PIWIL2: variants seen among roughly 807,000 people sequenced by gnomAD.
PIWIL2 encodes piwi like RNA-mediated gene silencing 2.
PIWIL2 carries 81 observed loss-of-function variants against 116.5 expected under a neutral mutation model. The observed-to-expected ratio is 0.70, with a 90% CI of 0.58 to 0.84. PIWIL2 has a LOEUF of 0.84. PIWIL2 is among the 40% of genes least tolerant of loss of function. The pLI is 0.00. For synonymous variants in PIWIL2, 489 were observed against 429.5 expected (o/e 1.14, Z -1.71); for missense variants, 1,272 against 1,212.3 (o/e 1.05, Z -0.73).
At position 22,315,016 on chromosome 8, in the gene PIWIL2, C is replaced by A; in HGVS notation, c.2092-13C>A. On this transcript the variant is annotated splice_polypyrimidine_tract_variant and intron_variant, in intron 17 of 22. Transcript: ENST00000356766. ...CCTGCTTCTCCTGACACCTTTTGGT[C>A]CCTTCATTATAGGTTGTCAATGTTC... The A allele has an allele frequency of 6.6e-7, 1 of 1,518,042 alleles. No individual in the cohort carries two copies. The highest frequency in any genetic ancestry group is 9.1e-7 in the Non-Finnish European group (1 of 1,093,148). 94.0% of individuals were successfully genotyped at this position (1,518,042 alleles called of 1,614,324 possible).
At chr8:22,327,480 G>C (rs556655476) in intron 20 of PIWIL2, among the ~76,000 whole-genome samples, 1 of 150,252 alleles carries the variant, frequency 6.7e-6, no homozygotes, top group South Asian at 2.1e-4. Flanking sequence ...CGATTCTCCT[G>C]CGTCAGCCTC....
intron 1 of PIWIL2, among the ~76,000 whole-genome samples, chr8:22,276,408 C>T (rs542315969): frequency 6.6e-6 from 1 of 152,274 alleles, no homozygotes; most frequent in African/African-American, 2.4e-5. Context: ...CTCCGCCTCC[C>T]AGGTTCAAGC....
intron 20 of PIWIL2, among the ~76,000 whole-genome samples, chr8:22,330,696 CAAAA>C (rs1831837782): frequency 1.3e-5 from 1 of 75,888 alleles, no homozygotes; most frequent in South Asian, 4.5e-4. Context: ...GACTCTGTCT[CAAAA>C]TAAATAAATA....
At position 22,310,074 on chromosome 8, in the gene PIWIL2, T is replaced by A; in HGVS notation, c.1800T>A (p.Thr600=). 6.6e-7 allele frequency: 1 copy of A among 1,509,386 alleles called. No homozygotes were observed. The highest frequency in any genetic ancestry group is 1.1e-5 in the South Asian group (1 of 88,782). 93.5% of individuals were successfully genotyped at this position (1,509,386 alleles called of 1,614,324 possible). The change falls in exon 15 of 23, where the codon ACT becomes ACA. Residue 600 remains threonine (T), a splice_region_variant and synonymous_variant. Transcript: ENST00000356766. ...KEVTRDPSIL[T]IPMHFWALFY... ...TAACCAGAGACCCTTCCATCTTGAC[T>A]GTAAGTGATTTTTGAAGTGATAAAG... is the stretch of plus-strand genomic sequence containing the variant.
chr8:22,324,646 T>C (rs183943007), intron 20 of PIWIL2, among the ~76,000 whole-genome samples: 3 of 152,350 alleles, frequency 2.0e-5, no homozygotes, highest in East Asian at 1.9e-4. Context: ...GAGCTTGTTA[T>C]GAGTTTGTGC....
intron 8 of PIWIL2, among the ~76,000 whole-genome samples, chr8:22,289,130 A>G (rs1458837300): frequency 2.0e-5 from 3 of 151,262 alleles, no homozygotes; most frequent in Non-Finnish European, 4.4e-5. Flanking sequence ...AACACAACCT[A>G]ATTTCTTTTC....
At chr8:22,293,279 A>AG (rs1319749021) in intron 10 of PIWIL2, among the ~76,000 whole-genome samples, 1 of 152,158 alleles carries the variant, frequency 6.6e-6, no homozygotes, top group Non-Finnish European at 1.5e-5. Flanking sequence ...ACTGTACTCC[A>AG]GCCTAGGCAA....
intron 8 of PIWIL2, 21 bp downstream of exon 8, chr8:22,288,687 C>T: frequency 1.9e-6 from 3 of 1,594,560 alleles, no homozygotes; most frequent in Non-Finnish European, 2.6e-6. Flanking sequence ...AGCTGAAGTT[C>T]TATTGTCCTG....
rs1392677142 is a variant in PIWIL2 at position 22,354,238 on chromosome 8, A to G, written c.2658-33A>G. 2.8e-6 allele frequency: 4 copies of G among 1,404,800 alleles called. 1 individual carries two copies. In the South Asian group the frequency reaches 3.5e-5, roughly 12 times the overall value. 87.0% of individuals were successfully genotyped at this position (1,404,800 alleles called of 1,614,324 possible). The stretch of plus-strand genomic sequence containing the variant: ...TGCCAGCTCTGTCTGGCTGAATCCG[A>G]CCATTTCACTGATTTATGGTTTTCC... On this transcript the variant is annotated intron_variant, in intron 21 of 22. Transcript: ENST00000356766.
intron 14 of PIWIL2, 151 bp from the exon 15 acceptor site, chr8:22,309,810 G>T: frequency 1.9e-6 from 1 of 536,714 alleles, no homozygotes; most frequent in Non-Finnish European, 3.4e-6. Context: ...GACTTTCACT[G>T]CTAGAAGCTT....
intron 21 of PIWIL2, 66 bp downstream of exon 21, chr8:22,353,278 A>G (rs1228643853): frequency 1.4e-6 from 2 of 1,411,652 alleles, no homozygotes; most frequent in African/African-American, 1.4e-5. Flanking sequence ...TTTCCTGAGT[A>G]TTGGAATGGG....
At chr8:22,283,655 C>T (rs544121531) in intron 5 of PIWIL2, among the ~76,000 whole-genome samples, 12 of 152,270 alleles carry the variant, frequency 7.9e-5, no homozygotes, top group South Asian at 4.1e-4. Context: ...GTGATCCACC[C>T]GCCTCGGCCT....
chr8:22,294,837 G>A (rs1830854764), intron 10 of PIWIL2, among the ~76,000 whole-genome samples: 1 of 137,770 alleles, frequency 7.3e-6, no homozygotes, highest in East Asian at 2.4e-4. Flanking sequence ...GAGGCAGGCG[G>A]ATCACTTGAG....
chr8:22,352,745 C>G, intron 20 of PIWIL2: 1 of 482,588 alleles, frequency 2.1e-6, no homozygotes, highest in Non-Finnish European at 3.7e-6. Context: ...TGTTTTATAA[C>G]ACCTTTGCTG....
intron 20 of PIWIL2, among the ~76,000 whole-genome samples, chr8:22,330,977 C>T (rs568347589): frequency 6.6e-6 from 1 of 152,130 alleles, no homozygotes; most frequent in Admixed American, 6.5e-5. Context: ...GAGTTCGAGA[C>T]CAGCCTGGCC....
intron 2 of PIWIL2, 121 bp from the exon 3 acceptor site, chr8:22,280,999 C>A: frequency 1.7e-6 from 1 of 604,104 alleles, no homozygotes; most frequent in Non-Finnish European, 2.9e-6. Flanking sequence ...AAATGTTTCC[C>A]TTTATTCTTA....
chr8:22,302,289 C>A (rs993161473), intron 10 of PIWIL2, among the ~76,000 whole-genome samples: 7 of 152,042 alleles, frequency 4.6e-5, no homozygotes, highest in Admixed American at 6.6e-5. Flanking sequence ...TCAAGTGATT[C>A]TCCTGTCTCA....
At chr8:22,308,962 C>T (rs578139741) in intron 14 of PIWIL2, among the ~76,000 whole-genome samples, 7 of 151,312 alleles carry the variant, frequency 4.6e-5, no homozygotes, top group Non-Finnish European at 8.8e-5. Context: ...TGTTTATTTT[C>T]TTTTTTCTGT....
intron 18 of PIWIL2, 69 bp downstream of exon 18, chr8:22,315,214 T>G: frequency 1.2e-6 from 1 of 864,408 alleles, no homozygotes; most frequent in African/African-American, 1.6e-5. Context: ...CTGTTTTTCC[T>G]TATTCGTTAT....
Sources: allele counts gnomAD v4.1 joint callset (sites outside exome capture counted in the v4.1 genomes callset), GRCh38; gene constraint gnomAD v4.1.1; transcripts MANE v1.5; gene names NCBI Gene and HGNC (gene_info 2026-07-23, HGNC 2026-07-21).